The following UNC80 variants were observed in gnomAD, a reference collection of about 807,000 sequenced individuals.
UNC80 encodes the protein unc-80 subunit of NALCN channel complex.
In UNC80, 164 loss-of-function variants were observed where a neutral mutation model predicts 384.6. That is an observed-to-expected ratio of 0.43 (90% CI 0.38 to 0.49). UNC80 has a LOEUF of 0.49. Ranked by LOEUF, UNC80 falls within the 20% of genes least tolerant of loss-of-function variation. The probability of loss-of-function intolerance (pLI) is 0.00; values close to 1 mark genes in which losing one functional copy is unlikely to be tolerated. For synonymous variants in UNC80, 1,486 were observed against 1,527.8 expected (o/e 0.97, Z 0.64); for missense variants, 3,330 against 4,143.0 (o/e 0.80, Z 5.39).
chr2:209,820,774 C>T, intron 13 of UNC80, 95 bp downstream of exon 13: 1 of 1,375,940 alleles, frequency 7.3e-7, no homozygotes, highest in Non-Finnish European at 9.7e-7. Context: ...CTGAACAGCA[C>T]CTAGTCACTA....
chr2:209,990,989 A>C (rs1349245995), intron 61 of UNC80, among the ~76,000 whole-genome samples: 1 of 152,252 alleles, frequency 6.6e-6, no homozygotes, highest in Non-Finnish European at 1.5e-5. Flanking sequence ...GACTGTGTCA[A>C]CTTTGTGATG....
chr2:209,825,152 C>T (rs1457377352), intron 13 of UNC80, among the ~76,000 whole-genome samples: 1 of 152,204 alleles, frequency 6.6e-6, no homozygotes, highest in African/African-American at 2.4e-5. Flanking sequence ...GAAAGTGACT[C>T]TTCCACACTG....
At chr2:209,944,965 A>G (rs1404863315) in intron 45 of UNC80, 86 bp from the exon 46 acceptor site, 1 of 1,432,690 alleles carries the variant, frequency 7.0e-7, no homozygotes, top group African/African-American at 1.4e-5. Flanking sequence ...GTTACTGGTA[A>G]TAGCATTTAT....
intron 35 of UNC80, among the ~76,000 whole-genome samples, chr2:209,924,030 A>G (rs987972151): frequency 2.0e-5 from 3 of 152,024 alleles, no homozygotes; most frequent in African/African-American, 7.2e-5. Flanking sequence ...TGTTTTATAT[A>G]ACATAACATT....
chr2:209,989,978 T>C (rs948396258), intron 61 of UNC80, among the ~76,000 whole-genome samples: 16 of 152,198 alleles, frequency 1.1e-4, no homozygotes, highest in African/African-American at 2.9e-4. Context: ...TCCAAGGATA[T>C]ATTTTGTAAT....
intron 35 of UNC80, among the ~76,000 whole-genome samples, chr2:209,924,774 ATTTTTTT>A (rs35650336): frequency 7.1e-6 from 1 of 140,856 alleles, no homozygotes; most frequent in Admixed American, 7.2e-5. Flanking sequence ...ATTGTTGCTG[ATTTTTTT>A]TTTTTTTTGG....
At chr2:209,777,642 G>A (rs1380752212) in intron 4 of UNC80, 83 bp downstream of exon 4, 1 of 1,456,698 alleles carries the variant, frequency 6.9e-7, no homozygotes. Flanking sequence ...ATATTTGGTT[G>A]GGCATGTCTT....
chr2:209,774,426 C>T (rs1316892969), intron 2 of UNC80, among the ~76,000 whole-genome samples: 1 of 152,030 alleles, frequency 6.6e-6, no homozygotes, highest in Admixed American at 6.6e-5. Context: ...ATATTTTTGG[C>T]ATTTTTAATG....
intron 38 of UNC80, among the ~76,000 whole-genome samples, chr2:209,932,476 G>C (rs1406791035): frequency 6.6e-6 from 1 of 152,184 alleles, no homozygotes; most frequent in Non-Finnish European, 1.5e-5. Flanking sequence ...GGAGATGAGA[G>C]CGCCTTCAGT....
intron 22 of UNC80, among the ~76,000 whole-genome samples, chr2:209,850,845 G>C (rs16843811): frequency 0.26 from 39,736 of 151,916 alleles, 5,857 homozygotes; most frequent in East Asian, 0.38. Flanking sequence ...TGAGATGTCT[G>C]TCTAAAGCAG....
At chr2:209,934,258 AG>A (rs2091090768) in intron 39 of UNC80, among the ~76,000 whole-genome samples, 1 of 152,142 alleles carries the variant, frequency 6.6e-6, no homozygotes, top group Non-Finnish European at 1.5e-5. Context: ...AGGGCTGCCA[AG>A]GTTGAAGATT....
At position 209,840,407 on chromosome 2, in the gene UNC80, A is replaced by G. The variant is rs115341018; in HGVS notation, c.3251-135A>G. ...GAACATTTTTATTCAAAGCATGTAC[A>G]TTGAAAACAATTTGTTTTTCTATTT... On this transcript the variant is annotated intron_variant, in intron 19 of 64. Coordinates refer to ENST00000673920, the MANE Select transcript of UNC80 (RefSeq NM_001371986.1). 4.9e-4 allele frequency: 356 copies of G among 723,952 alleles called. 3 individuals are homozygous for G. The African/African-American group carries it at 5.9e-3, about 12-fold the overall frequency. The allele number at this position is 723,952 out of a possible 1,614,324, so 44.8% of individuals were successfully genotyped here.
rs147819919 is a variant in UNC80, at chr2:209,907,475, A to G, written c.4782+2510A>G. On this transcript the variant is annotated intron_variant, in intron 29 of 64. Transcript: ENST00000673920. ...AATGAGGCTTTGGTCTTGTAGGGGAAAATAAAAGACAGCCTTTCCAATAAA... is the reference window on the plus strand; with the variant it reads ...AATGAGGCTTTGGTCTTGTAGGGGAGAATAAAAGACAGCCTTTCCAATAAA... 2.1e-3 allele frequency among the ~76,000 whole-genome samples: 322 copies of G among 152,280 alleles called. 1 individual carries two copies. Among genetic ancestry groups the G allele is most frequent in the African/African-American group, 7.4e-3 (309 of 41,564 alleles).
At chr2:209,893,061 G>A (rs985391346) in intron 26 of UNC80, among the ~76,000 whole-genome samples, 3 of 152,160 alleles carry the variant, frequency 2.0e-5, no homozygotes, top group East Asian at 3.9e-4. Flanking sequence ...GGCATTAAAA[G>A]TATACATTTA....
chr2:209,926,724 A>C, intron 35 of UNC80, 119 bp from the exon 36 acceptor site: 1 of 1,249,986 alleles, frequency 8.0e-7, no homozygotes, highest in South Asian at 1.5e-5. Context: ...TGCAGTGAGC[A>C]GTGATCATGC....
intron 7 of UNC80, among the ~76,000 whole-genome samples, chr2:209,800,101 C>T (rs906378555): frequency 6.6e-6 from 1 of 152,088 alleles, no homozygotes; most frequent in African/African-American, 2.4e-5. Flanking sequence ...GGGAGGAATC[C>T]CTCCTTTTTA....
intron 23 of UNC80, among the ~76,000 whole-genome samples, chr2:209,874,930 G>A (rs937611322): frequency 6.6e-6 from 1 of 152,124 alleles, no homozygotes; most frequent in African/African-American, 2.4e-5. Flanking sequence ...CGTCATCTGA[G>A]ATGCCAACCT....
intron 36 of UNC80, among the ~76,000 whole-genome samples, chr2:209,927,324 ATC>A (rs2090513320): frequency 6.6e-6 from 1 of 152,226 alleles, no homozygotes; most frequent in African/African-American, 2.4e-5. Flanking sequence ...CACTAATACC[ATC>A]TCTCTTACGT....
intron 7 of UNC80, among the ~76,000 whole-genome samples, chr2:209,807,255 A>G (rs187948146): frequency 6.6e-6 from 1 of 152,114 alleles, no homozygotes; most frequent in Non-Finnish European, 1.5e-5. Context: ...ATATTATTTT[A>G]TAACATTTTC....
Sources: gnomAD v4.1 joint callset for allele counts (sites outside exome capture counted in the v4.1 genomes callset) on GRCh38, gnomAD v4.1.1 for gene constraint, MANE v1.5 for transcripts, NCBI Gene and HGNC (gene_info 2026-07-23, HGNC 2026-07-21) for gene names.